Variants in TCAF1 observed in about 807,000 individuals in gnomAD.
The protein encoded by TCAF1 is TRPM8 channel associated factor 1, also known as TRPM8 channel-associated factor 1.
In TCAF1, 4 loss-of-function variants were observed where a neutral mutation model predicts 27.3. The ratio of observed to expected loss-of-function variants is 0.15; its 90% CI spans 0.07 to 0.34. The LOEUF (loss-of-function observed/expected upper bound fraction) is 0.34, where lower values mean the gene tolerates loss of function less well. Ranked by LOEUF, TCAF1 falls within the 10% of genes least tolerant of loss-of-function variation. The pLI is 1.00. For synonymous variants in TCAF1, 105 were observed against 167.1 expected (o/e 0.63, Z 2.87); for missense variants, 257 against 425.8 (o/e 0.60, Z 3.49).
chr7:143,879,244 G>A (rs1359494514), intron 1 of TCAF1, among the ~76,000 whole-genome samples: 5 of 152,134 alleles, frequency 3.3e-5, no homozygotes, highest in African/African-American at 4.8e-5. Flanking sequence ...ATGGCCACTT[G>A]TGTGGAAAAA....
intron 1 of TCAF1, among the ~76,000 whole-genome samples, chr7:143,894,783 G>A (rs1039200203): frequency 6.6e-6 from 1 of 151,584 alleles, no homozygotes; most frequent in African/African-American, 2.4e-5. Flanking sequence ...GAAAAAGCAA[G>A]CCAAAGATTG....
At position 143,876,472 on chromosome 7, in the gene TCAF1, T is replaced by C; in HGVS notation, c.137A>G (p.Gln46Arg). The C allele has an allele frequency of 6.2e-7, 1 of 1,601,756 alleles. No homozygotes were observed. Among genetic ancestry groups the C allele is most frequent in the Non-Finnish European group, 8.5e-7 (1 of 1,175,070 alleles). The change falls in exon 2 of 9, where the codon CAG (glutamine) becomes CGG (arginine). Residue 46 changes from glutamine (Q) to arginine (R), a missense_variant. Transcript: ENST00000479870. ...ATAGGAGGAGGCAGCAATGAGGACC[T>C]GGCCCATGTCATTCACCATCACAGG... Reference protein sequence around the residue: ...SFPVMVNDMGQVLIAASSYGR... With the variant: ...SFPVMVNDMGRVLIAASSYGR...
Position 143,885,749 on chromosome 7 carries a change from TA to T in TCAF1, c.-14-9128del, listed in dbSNP as rs957527527. Among the ~76,000 whole-genome samples, 27 of 151,890 alleles carry T rather than the reference TA, an allele frequency of 1.8e-4. 1 individual carries two copies. The highest frequency in any genetic ancestry group is 5.6e-4 in the African/African-American group (23 of 41,436). On this transcript the variant is annotated intron_variant, in intron 1 of 8. Transcript: ENST00000479870. Reference sequence around the variant, plus strand: ...ATAGTAAAAAACGTTCCATTTTGTGTAAAAAAAACTTCAAAACTGTTCATAT... The same window carrying T: ...ATAGTAAAAAACGTTCCATTTTGTGTAAAAAAACTTCAAAACTGTTCATAT...
intron 1 of TCAF1, among the ~76,000 whole-genome samples, chr7:143,888,759 G>A (rs909911648): frequency 6.6e-6 from 1 of 152,156 alleles, no homozygotes; most frequent in East Asian, 1.9e-4. Flanking sequence ...AAATTCACAT[G>A]AAAGGAGAAG....
chr7:143,876,700 A>C, intron 1 of TCAF1, 78 bp from the exon 2 acceptor site: 8 of 1,167,794 alleles, frequency 6.9e-6, no homozygotes, highest in Non-Finnish European at 9.3e-6. Flanking sequence ...TCACTCTTCC[A>C]GTAGCTGGGC....
At chr7:143,899,703 CAAAAGCAAATTGGA>C (rs1814034341) in intron 1 of TCAF1, among the ~76,000 whole-genome samples, 2 of 152,094 alleles carry the variant, frequency 1.3e-5, no homozygotes, top group African/African-American at 4.8e-5. Flanking sequence ...AAGAAAACCT[CAAAAGCAAATTGGA>C]AAGATGTCTG....
Position 143,859,960 on chromosome 7 carries a change from A to T in TCAF1, c.2167+248T>A, listed in dbSNP as rs1251822165. On this transcript the variant is annotated intron_variant, in intron 6 of 8. Coordinates refer to ENST00000479870, the MANE Select transcript of TCAF1 (RefSeq NM_014719.3). The stretch of plus-strand genomic sequence containing the variant: ...TATATTATATAATATATATTACGGA[A>T]TATATATTATATAATATATATTATA... Among the ~76,000 whole-genome samples the T allele has an allele frequency of 1.5e-3, 60 of 39,380 alleles. 12 individuals are homozygous for T. Among genetic ancestry groups the T allele is most frequent in the African/African-American group, 4.7e-3 (60 of 12,642 alleles). The allele number at this position is 39,380 out of a possible 152,430, so 25.8% of individuals were successfully genotyped here. A position where few individuals can be genotyped will look rare whatever the true frequency, so the allele number is the denominator to read the frequency against.
chr7:143,851,446 CAGA>C lies in TCAF1; in HGVS notation c.*2684_*2686del, dbSNP rs1277816190. 6.6e-6 allele frequency: 1 copy of C among 152,254 alleles called. No individual in the cohort carries two copies. Among genetic ancestry groups the C allele is most frequent in the African/African-American group, 2.4e-5 (1 of 41,452 alleles). 9.4% of individuals were successfully genotyped at this position (152,254 alleles called of 1,614,324 possible). ...GCACAAGGTAAAAAATTAAATAGTA[CAGA>C]AGGACTTAAAATGAAAAACACAGTT... On this transcript the variant is annotated 3_prime_UTR_variant, in exon 9 of 9. Transcript: ENST00000479870.
In TCAF1 at chr7:143,871,244, C is replaced by T. The variant is rs1230849745; in HGVS notation, c.620+4745G>A. Reference sequence around the variant, plus strand: ...AGAAAAGTAAAAGGTAACCTTGCAACATCTTTTTATGTCAGAAACTAAGTA... The same window carrying T: ...AGAAAAGTAAAAGGTAACCTTGCAATATCTTTTTATGTCAGAAACTAAGTA... On this transcript the variant is annotated intron_variant, in intron 2 of 8. Transcript: ENST00000479870. 2.4e-5 allele frequency among the ~76,000 whole-genome samples: 3 copies of T among 124,368 alleles called. 1 individual carries two copies. The East Asian group carries it at 6.5e-4, about 27-fold the overall frequency. 81.6% of individuals were successfully genotyped at this position (124,368 alleles called of 152,430 possible). A position where few individuals can be genotyped will look rare whatever the true frequency, so the allele number is the denominator to read the frequency against.
At chr7:143,891,513 G>C (rs925505245) in intron 1 of TCAF1, among the ~76,000 whole-genome samples, 1 of 152,008 alleles carries the variant, frequency 6.6e-6, no homozygotes, top group African/African-American at 2.4e-5. Flanking sequence ...TAGCATATTA[G>C]ACACAAAAGA....
Position 143,882,477 on chromosome 7 carries a change from T to C in TCAF1, c.-14-5855A>G, listed in dbSNP as rs1044092451. 5.1e-6 allele frequency: 5 copies of C among 985,028 alleles called. No homozygotes were observed. The African/African-American group carries it at 8.8e-5, about 17-fold the overall frequency. The allele number at this position is 985,028 out of a possible 1,614,324, so 61.0% of individuals were successfully genotyped here. A position where few individuals can be genotyped will look rare whatever the true frequency, so the allele number is the denominator to read the frequency against. On this transcript the variant is annotated intron_variant, in intron 1 of 8. Transcript: ENST00000479870. ...CACACAAACATCAGATGTCAGAACC[T>C]GGAGAGGAGGAGCAATGCGGCAGGG...
intron 1 of TCAF1, among the ~76,000 whole-genome samples, chr7:143,879,549 C>T (rs1381986345): frequency 2.0e-5 from 3 of 152,060 alleles, no homozygotes; most frequent in South Asian, 2.1e-4. Flanking sequence ...ATCTTTAGAC[C>T]CAACAACCTT....
At chr7:143,896,530 C>T (rs1023008476) in intron 1 of TCAF1, among the ~76,000 whole-genome samples, 5 of 152,010 alleles carry the variant, frequency 3.3e-5, no homozygotes, top group African/African-American at 1.2e-4. Flanking sequence ...ATTCTTTTTA[C>T]GCACACAAAG....
chr7:143,887,273 T>C (rs768242079), intron 1 of TCAF1, among the ~76,000 whole-genome samples: 1 of 152,180 alleles, frequency 6.6e-6, no homozygotes, highest in Non-Finnish European at 1.5e-5. Flanking sequence ...ATCAAAAATA[T>C]TACGCAATTC....
At chr7:143,877,225 C>G (rs1812766974) in intron 1 of TCAF1, among the ~76,000 whole-genome samples, 1 of 152,170 alleles carries the variant, frequency 6.6e-6, no homozygotes, top group South Asian at 2.1e-4. Context: ...GCCTTCAGAA[C>G]TGTGAGATGA....
At chr7:143,879,245 T>G (rs1812885503) in intron 1 of TCAF1, among the ~76,000 whole-genome samples, 1 of 152,196 alleles carries the variant, frequency 6.6e-6, no homozygotes, top group Admixed American at 6.5e-5. Flanking sequence ...TGGCCACTTG[T>G]GTGGAAAAAA....
At chr7:143,898,439 C>T (rs1218504807) in intron 1 of TCAF1, among the ~76,000 whole-genome samples, 2 of 151,998 alleles carry the variant, frequency 1.3e-5, no homozygotes, top group Non-Finnish European at 2.9e-5. Context: ...GCCTATGTAG[C>T]AAATCTGAAA....
chr7:143,884,538 G>T (rs1341801839), intron 1 of TCAF1, among the ~76,000 whole-genome samples: 1 of 152,150 alleles, frequency 6.6e-6, no homozygotes, highest in Non-Finnish European at 1.5e-5. Flanking sequence ...GCAATGTCAG[G>T]ACTAACAGCA....
chr7:143,858,834 G>GCC lies in TCAF1; in HGVS notation c.2494_2495insGG (p.Thr832ArgfsTer36). On this transcript the variant is annotated frameshift_variant, in exon 7 of 9. Transcript: ENST00000479870. LOFTEE classifies it high-confidence loss of function. ...ATTCTTGCCCAGTACCTGTAAATACGTTTCCAGTGCGGTCCATGCATTCCA... is the reference window on the plus strand; with the variant it reads ...ATTCTTGCCCAGTACCTGTAAATACGCCTTTCCAGTGCGGTCCATGCATTCCA... 4.8e-6 allele frequency: 3 copies of GCC among 628,852 alleles called. No homozygotes were observed. In the Admixed American group the frequency reaches 8.1e-5, roughly 17 times the overall value. The allele number at this position is 628,852 out of a possible 1,614,324, so 39.0% of individuals were successfully genotyped here.
Sources: gnomAD v4.1 joint callset for allele counts (sites outside exome capture counted in the v4.1 genomes callset) on GRCh38, gnomAD v4.1.1 for gene constraint, MANE v1.5 for transcripts, NCBI Gene and HGNC (gene_info 2026-07-23, HGNC 2026-07-21) for gene names.